The following NR5A2 variants were observed in gnomAD, a reference collection of about 807,000 sequenced individuals.
NR5A2 encodes nuclear receptor subfamily 5 group A member 2, also known as CYP7A promoter-binding factor.
A neutral mutation model predicts 62.7 loss-of-function variants in NR5A2; 26 were observed. That is an observed-to-expected ratio of 0.41 (90% CI 0.30 to 0.58). The LOEUF is 0.58. Among genes scored for constraint, NR5A2 ranks in the 20% least tolerant of loss-of-function variants. NR5A2 has a pLI of 0.22. For synonymous variants in NR5A2, 246 were observed against 241.7 expected, an observed-to-expected ratio of 1.02 and a Z score of -0.16; for missense variants, 541 against 669.1, an observed-to-expected ratio of 0.81 and a Z score of 2.11.
intron 4 of NR5A2, among the ~76,000 whole-genome samples, chr1:200,046,935 G>C (rs1427113695): frequency 1.3e-5 from 2 of 152,042 alleles, no homozygotes; most frequent in Non-Finnish European, 2.9e-5. Context: ...GCTTCCTTAG[G>C]AGTGATATGA....
intron 5 of NR5A2, among the ~76,000 whole-genome samples, chr1:200,065,569 A>G (rs1663430340): frequency 6.6e-6 from 1 of 152,234 alleles, no homozygotes; most frequent in Admixed American, 6.5e-5. Context: ...GTGTGCCTAA[A>G]GTGATTCCAC....
At chr1:200,166,646 T>C (rs1245277718) in intron 7 of NR5A2, among the ~76,000 whole-genome samples, 1 of 152,172 alleles carries the variant, frequency 6.6e-6, no homozygotes, top group Non-Finnish European at 1.5e-5. Context: ...TTTAAAATAA[T>C]GAGCCCTGCA....
chr1:200,172,368 A>G (rs201033893), intron 7 of NR5A2, among the ~76,000 whole-genome samples: 2 of 152,242 alleles, frequency 1.3e-5, no homozygotes, highest in Non-Finnish European at 2.9e-5. Context: ...AAAGTGCCGC[A>G]TGGGTAAAAT....
chr1:200,090,478 A>C (rs1316509365), intron 5 of NR5A2, among the ~76,000 whole-genome samples: 1 of 152,170 alleles, frequency 6.6e-6, no homozygotes, highest in South Asian at 2.1e-4. Flanking sequence ...GTGGAGGGTG[A>C]AAAGGGCAAA....
chr1:200,074,548 T>C (rs898190895), intron 5 of NR5A2, among the ~76,000 whole-genome samples: 8 of 151,642 alleles, frequency 5.3e-5, no homozygotes, highest in Non-Finnish European at 1.2e-4. Context: ...CCATCCTTGC[T>C]AACACAGTGA....
At chr1:200,035,136 TC>T (rs1661717379) in intron 1 of NR5A2, among the ~76,000 whole-genome samples, 1 of 152,106 alleles carries the variant, frequency 6.6e-6, no homozygotes, top group African/African-American at 2.4e-5. Context: ...CTCTTCCCCC[TC>T]GGGCTATCCT....
intron 7 of NR5A2, among the ~76,000 whole-genome samples, chr1:200,138,080 G>C (rs1667302754): frequency 6.6e-6 from 1 of 152,124 alleles, no homozygotes; most frequent in East Asian, 1.9e-4. Context: ...GATTTTCACT[G>C]ATCCATGGTA....
chr1:200,096,686 A>G (rs184066156), intron 5 of NR5A2, among the ~76,000 whole-genome samples: 1 of 152,224 alleles, frequency 6.6e-6, no homozygotes, highest in African/African-American at 2.4e-5. Flanking sequence ...CACACAGTAC[A>G]TCGTGCACAG....
intron 5 of NR5A2, among the ~76,000 whole-genome samples, chr1:200,056,600 CA>C (rs1662927104): frequency 6.6e-6 from 1 of 152,096 alleles, no homozygotes; most frequent in Non-Finnish European, 1.5e-5. Flanking sequence ...TATACATTTA[CA>C]AACTGCAAAC....
intron 6 of NR5A2, among the ~76,000 whole-genome samples, chr1:200,117,436 A>T (rs1316825975): frequency 6.6e-6 from 1 of 152,220 alleles, no homozygotes; most frequent in Admixed American, 6.5e-5. Flanking sequence ...ATGTATAGTT[A>T]TAAATTTGTT....
chr1:200,171,697 C>T (rs1020650982), intron 7 of NR5A2, among the ~76,000 whole-genome samples: 1 of 151,936 alleles, frequency 6.6e-6, no homozygotes, highest in Non-Finnish European at 1.5e-5. Flanking sequence ...TGCAGTGAGC[C>T]GAGATCGCAC....
At chr1:200,133,526 T>TATATATATATAC (rs1416690757) in intron 7 of NR5A2, among the ~76,000 whole-genome samples, 2 of 87,420 alleles carry the variant, frequency 2.3e-5, no homozygotes, top group East Asian at 2.9e-4. Context: ...TATATATATA[T>TATATATATATAC]ACACACACAT....
intron 7 of NR5A2, among the ~76,000 whole-genome samples, chr1:200,130,393 C>T (rs572667599): frequency 1.1e-4 from 16 of 151,098 alleles, no homozygotes; most frequent in African/African-American, 3.4e-4. Flanking sequence ...GCAAGATGAA[C>T]GATTCATTCA....
chr1:200,132,246 G>T, intron 7 of NR5A2, among the ~76,000 whole-genome samples: 1 of 152,244 alleles, frequency 6.6e-6, no homozygotes, highest in Admixed American at 6.5e-5. Flanking sequence ...CTGACCTCAA[G>T]TGATCTGCCC....
intron 7 of NR5A2, among the ~76,000 whole-genome samples, chr1:200,173,641 A>G (rs902543027): frequency 3.9e-5 from 6 of 152,336 alleles, no homozygotes; most frequent in African/African-American, 1.4e-4. Flanking sequence ...ATTTGCTGGC[A>G]ATATATTAAG....
intron 5 of NR5A2, among the ~76,000 whole-genome samples, chr1:200,073,251 T>TA (rs1448376024): frequency 8.2e-6 from 1 of 122,444 alleles, no homozygotes; most frequent in Non-Finnish European, 1.6e-5. Context: ...TATATATATA[T>TA]ATATATATAT....
intron 7 of NR5A2, among the ~76,000 whole-genome samples, chr1:200,166,368 C>T (rs1020380493): frequency 3.9e-5 from 6 of 152,114 alleles, no homozygotes; most frequent in East Asian, 1.9e-4. Flanking sequence ...CAGTCTCCAT[C>T]GTGAGACTAT....
At chr1:200,106,410 G>A (rs1174291693) in intron 5 of NR5A2, among the ~76,000 whole-genome samples, 2 of 152,234 alleles carry the variant, frequency 1.3e-5, no homozygotes, top group East Asian at 3.9e-4. Context: ...AACTTTCTGG[G>A]TTATGGGAAG....
chr1:200,171,520 G>A (rs535956665), intron 7 of NR5A2, among the ~76,000 whole-genome samples: 8 of 152,276 alleles, frequency 5.3e-5, no homozygotes, highest in African/African-American at 1.9e-4. Context: ...AGGCCAAGGT[G>A]GGTGGATCAC....
Sources: gnomAD v4.1 joint callset for allele counts (sites outside exome capture counted in the v4.1 genomes callset) on GRCh38, gnomAD v4.1.1 for gene constraint, MANE v1.5 for transcripts, NCBI Gene and HGNC (gene_info 2026-07-23, HGNC 2026-07-21) for gene names.